The following PTPRD variants were observed in gnomAD, a reference collection of about 807,000 sequenced individuals.
PTPRD encodes receptor-type tyrosine-protein phosphatase delta.
A neutral mutation model predicts 214.5 loss-of-function variants in PTPRD; 34 were observed. That is an observed-to-expected ratio of 0.16 (90% CI 0.12 to 0.21). PTPRD has a LOEUF of 0.21. Ranked by LOEUF, PTPRD falls within the 10% of genes least tolerant of loss-of-function variation. The pLI, the probability that PTPRD is intolerant of heterozygous loss-of-function variation, is 1.00. For missense variants in PTPRD, 2,545 were observed against 2,398.7 expected, an observed-to-expected ratio of 1.06 and a Z score of -1.27; for synonymous variants, 1,128 against 845.7, an observed-to-expected ratio of 1.33 and a Z score of -5.79.
chr9:9,403,027 T>A (rs184635975), intron 8 of PTPRD, among the ~76,000 whole-genome samples: 4 of 145,366 alleles, frequency 2.8e-5, no homozygotes, highest in Admixed American at 2.1e-4. Context: ...CGGTGTCTCC[T>A]GCCTGTAATC....
intron 3 of PTPRD, among the ~76,000 whole-genome samples, chr9:10,099,302 T>C (rs2098527794): frequency 6.6e-6 from 1 of 151,688 alleles, no homozygotes; most frequent in African/African-American, 2.4e-5. Context: ...TCAGTTTTTT[T>C]CACCTGTAAA....
At chr9:8,321,784 A>G (rs1426743725) in intron 44 of PTPRD, among the ~76,000 whole-genome samples, 2 of 151,796 alleles carry the variant, frequency 1.3e-5, no homozygotes, top group Admixed American at 6.6e-5. Flanking sequence ...CCCAATATAT[A>G]CCATCTACTT....
chr9:9,264,733 A>C (rs940490358), intron 9 of PTPRD, among the ~76,000 whole-genome samples: 2 of 151,652 alleles, frequency 1.3e-5, no homozygotes, highest in African/African-American at 4.8e-5. Context: ...ACCAAGACAC[A>C]TTAAAATAAA....
At chr9:10,003,080 A>G (rs1003219512) in intron 4 of PTPRD, among the ~76,000 whole-genome samples, 1 of 151,910 alleles carries the variant, frequency 6.6e-6, no homozygotes, top group African/African-American at 2.4e-5. Context: ...GGCACTATGA[A>G]AGAGGTGACA....
At chr9:8,966,862 C>A (rs960522622) in intron 11 of PTPRD, among the ~76,000 whole-genome samples, 4 of 151,904 alleles carry the variant, frequency 2.6e-5, no homozygotes, top group Admixed American at 2.6e-4. Flanking sequence ...GTGCATCCGA[C>A]AAAGATCTAA....
intron 10 of PTPRD, among the ~76,000 whole-genome samples, chr9:9,162,620 C>G (rs112393869): frequency 3.3e-5 from 5 of 152,056 alleles, no homozygotes; most frequent in African/African-American, 1.2e-4. Flanking sequence ...TCTCCATTTT[C>G]TCCACTTCTG....
chr9:9,957,622 T>C (rs985680644), intron 4 of PTPRD, among the ~76,000 whole-genome samples: 4 of 152,026 alleles, frequency 2.6e-5, no homozygotes, highest in African/African-American at 7.2e-5. Flanking sequence ...CAAAAACCTG[T>C]AGGGAAATAT....
At chr9:9,129,224 T>C (rs549164805) in intron 10 of PTPRD, among the ~76,000 whole-genome samples, 2 of 152,244 alleles carry the variant, frequency 1.3e-5, no homozygotes, top group African/African-American at 2.4e-5. Context: ...AACCCATCTC[T>C]ACTAAAAATA....
At chr9:8,809,802 G>A (rs1600516418) in intron 11 of PTPRD, among the ~76,000 whole-genome samples, 1 of 152,104 alleles carries the variant, frequency 6.6e-6, no homozygotes, top group Admixed American at 6.6e-5. Flanking sequence ...CGGGTGTGAG[G>A]CACAAGCTAC....
At chr9:10,301,686 C>T (rs2095866504) in intron 3 of PTPRD, among the ~76,000 whole-genome samples, 1 of 151,782 alleles carries the variant, frequency 6.6e-6, no homozygotes, top group Non-Finnish European at 1.5e-5. Flanking sequence ...TGAAGATCAA[C>T]TTAATGAAAT....
At chr9:10,499,697 A>G (rs1368666037) in intron 2 of PTPRD, among the ~76,000 whole-genome samples, 1 of 151,808 alleles carries the variant, frequency 6.6e-6, no homozygotes, top group East Asian at 1.9e-4. Flanking sequence ...CTGAGGTCTT[A>G]TTTTCAAACT....
At chr9:8,527,322 G>A in intron 16 of PTPRD, 23 bp downstream of exon 16, 6 of 1,603,594 alleles carry the variant, frequency 3.7e-6, no homozygotes, top group Non-Finnish European at 5.1e-6. Flanking sequence ...GGGTTGAAGT[G>A]CGCTTCAGAA....
chr9:10,287,673 T>C (rs1299928960), intron 3 of PTPRD, among the ~76,000 whole-genome samples: 3 of 152,100 alleles, frequency 2.0e-5, no homozygotes, highest in African/African-American at 7.2e-5. Flanking sequence ...GGGCAGGATT[T>C]TCTTGCTTAT....
intron 11 of PTPRD, among the ~76,000 whole-genome samples, chr9:8,773,347 A>G (rs2095318392): frequency 6.6e-6 from 1 of 151,968 alleles, no homozygotes; most frequent in Admixed American, 6.6e-5. Context: ...CATCTTCCCA[A>G]CTCAGGAGTT....
At chr9:10,547,641 G>T (rs552530227) in intron 2 of PTPRD, among the ~76,000 whole-genome samples, 2 of 151,658 alleles carry the variant, frequency 1.3e-5, no homozygotes, top group South Asian at 2.1e-4. Context: ...AAGTAGTATT[G>T]TGTACCATCA....
At chr9:9,591,945 C>T (rs754408846) in intron 7 of PTPRD, among the ~76,000 whole-genome samples, 47 of 152,138 alleles carry the variant, frequency 3.1e-4, no homozygotes, top group East Asian at 1.9e-4. Context: ...ACCCAATCAC[C>T]GGTCTCTCTC....
intron 2 of PTPRD, among the ~76,000 whole-genome samples, chr9:10,499,507 T>G (rs2043041647): frequency 6.6e-6 from 1 of 151,948 alleles, no homozygotes; most frequent in African/African-American, 2.4e-5. Flanking sequence ...ATTAACTGTT[T>G]GTGAGGCTGC....
intron 2 of PTPRD, among the ~76,000 whole-genome samples, chr9:10,580,141 C>T (rs973234626): frequency 4.6e-5 from 7 of 152,104 alleles, no homozygotes; most frequent in African/African-American, 1.7e-4. Flanking sequence ...GAGAACCTAG[C>T]CTCACTCTTT....
At chr9:10,455,350 C>A (rs1238025332) in intron 2 of PTPRD, among the ~76,000 whole-genome samples, 1 of 151,686 alleles carries the variant, frequency 6.6e-6, no homozygotes, top group Non-Finnish European at 1.5e-5. Flanking sequence ...TCTCTAATTT[C>A]AGTGTTTTAG....
Sources: allele counts gnomAD v4.1 joint callset (sites outside exome capture counted in the v4.1 genomes callset), GRCh38; gene constraint gnomAD v4.1.1; transcripts MANE v1.5; gene names NCBI Gene and HGNC (gene_info 2026-07-23, HGNC 2026-07-21).